The following MAMDC2 variants were observed in gnomAD, a reference collection of about 807,000 sequenced individuals.
The protein encoded by MAMDC2 is MAM domain containing 2, also known as MAM domain-containing protein 2.
A neutral mutation model predicts 89.8 loss-of-function variants in MAMDC2; 57 were observed. The ratio of observed to expected loss-of-function variants is 0.63; its 90% CI spans 0.51 to 0.79. The LOEUF (loss-of-function observed/expected upper bound fraction) is 0.79. MAMDC2 is among the 30% of genes least tolerant of loss of function. The probability of loss-of-function intolerance (pLI) is 0.00; values close to 1 mark genes in which losing one functional copy is unlikely to be tolerated. For synonymous variants in MAMDC2, 313 were observed against 293.4 expected, an observed-to-expected ratio of 1.07 and a Z score of -0.68; for missense variants, 800 against 820.6, an observed-to-expected ratio of 0.97 and a Z score of 0.31.
chr9:70,107,085 A>G (rs1828361767), intron 2 of MAMDC2, among the ~76,000 whole-genome samples: 1 of 152,182 alleles, frequency 6.6e-6, no homozygotes, highest in South Asian at 2.1e-4. Flanking sequence ...ACAGCAGGTT[A>G]AATGACAGCC....
At chr9:70,200,291 C>T (rs1453776483) in intron 11 of MAMDC2, among the ~76,000 whole-genome samples, 1 of 149,684 alleles carries the variant, frequency 6.7e-6, no homozygotes. Flanking sequence ...TTTCCCAGCA[C>T]CATTTATTAA....
intron 6 of MAMDC2, among the ~76,000 whole-genome samples, chr9:70,130,641 A>T (rs1288177530): frequency 6.6e-6 from 1 of 152,184 alleles, no homozygotes; most frequent in Non-Finnish European, 1.5e-5. Flanking sequence ...ATTGGAACAT[A>T]CCTGGACATG....
chr9:70,212,603 C>T (rs544028245), intron 11 of MAMDC2, among the ~76,000 whole-genome samples: 31 of 152,142 alleles, frequency 2.0e-4, no homozygotes, highest in Admixed American at 3.9e-4. Flanking sequence ...CACCCTGCTT[C>T]AGCTCACACT....
rs142267343 is a variant in MAMDC2, at chr9:70,059,326, C to G, written c.148+14629C>G. Among the ~76,000 whole-genome samples the G allele has an allele frequency of 2.6e-5, 4 of 152,066 alleles. No individual in the cohort carries two copies. In the East Asian group the frequency reaches 7.7e-4, roughly 29 times the overall value. On this transcript the variant is annotated intron_variant, in intron 2 of 13. Transcript: ENST00000377182. Reference sequence around the variant, plus strand: ...TCATTTAATTCTTACAACCCAGTGACGAAGGTACCCCTTACAAATGAAGAA... The same window carrying G: ...TCATTTAATTCTTACAACCCAGTGAGGAAGGTACCCCTTACAAATGAAGAA...
At chr9:70,110,954 C>G (rs185415237) in intron 4 of MAMDC2, among the ~76,000 whole-genome samples, 3 of 152,246 alleles carry the variant, frequency 2.0e-5, no homozygotes, top group Admixed American at 2.0e-4. Context: ...ATATTCTGAA[C>G]GACAACAACA....
At chr9:70,078,826 C>T (rs1022412032) in intron 2 of MAMDC2, among the ~76,000 whole-genome samples, 2 of 152,032 alleles carry the variant, frequency 1.3e-5, no homozygotes, top group Admixed American at 1.3e-4. Flanking sequence ...AATGGGTAGC[C>T]AAGCCTATCA....
chr9:70,158,078 C>T (rs916813813), intron 9 of MAMDC2, among the ~76,000 whole-genome samples: 1 of 152,084 alleles, frequency 6.6e-6, no homozygotes, highest in African/African-American at 2.4e-5. Context: ...CCACCTCAGC[C>T]TCCCAAGTAG....
intron 9 of MAMDC2, 78 bp downstream of exon 9, chr9:70,143,897 A>G: frequency 6.6e-7 from 1 of 1,517,090 alleles, no homozygotes; most frequent in East Asian, 2.3e-5. Context: ...AGCTACTGTC[A>G]ACTGGTGATG....
At chr9:70,191,249 GAGA>G (rs775741592) in intron 11 of MAMDC2, among the ~76,000 whole-genome samples, 1 of 152,016 alleles carries the variant, frequency 6.6e-6, no homozygotes, top group Non-Finnish European at 1.5e-5. Context: ...TGCTTTTATG[GAGA>G]AGATTTTCAG....
intron 11 of MAMDC2, among the ~76,000 whole-genome samples, chr9:70,216,709 A>C (rs1338348167): frequency 3.9e-5 from 6 of 152,228 alleles, no homozygotes; most frequent in Non-Finnish European, 8.8e-5. Flanking sequence ...CAAGTGATCA[A>C]AGGTTAATAC....
Position 70,044,640 on chromosome 9 carries a change from A to G in MAMDC2, c.91A>G (p.Ser31Gly). Residue 31 changes from serine (S) to glycine (G), a missense_variant, in exon 2 of 14, where the codon AGC becomes GGC. Ser to Gly is a moderately conservative substitution (Grantham distance 56). Coordinates refer to ENST00000377182, the MANE Select transcript of MAMDC2 (RefSeq NM_153267.5). ...LPAGSCAFEE[S>G]TCGFDSVLAS... is the part of the protein sequence containing the mutation. ...CGCTGGGTCCTGTGCCTTTGAAGAG[A>G]GCACTTGCGGCTTTGACTCCGTGTT... is the stretch of plus-strand genomic sequence containing the variant. The G allele has an allele frequency of 6.4e-7, 1 of 1,551,450 alleles. No individual in the cohort carries two copies. The highest frequency in any genetic ancestry group is 8.7e-7 in the Non-Finnish European group (1 of 1,146,958).
chr9:70,204,372 G>T (rs1480485849), intron 11 of MAMDC2, among the ~76,000 whole-genome samples: 177 of 151,862 alleles, frequency 1.2e-3, no homozygotes, highest in Admixed American at 3.1e-3. Flanking sequence ...CTGCTCGGGG[G>T]TCAGGGGTCA....
intron 2 of MAMDC2, among the ~76,000 whole-genome samples, chr9:70,050,458 C>G (rs940487086): frequency 1.3e-5 from 2 of 152,208 alleles, no homozygotes; most frequent in African/African-American, 4.8e-5. Context: ...AGGCTCTGCT[C>G]TTTCAAGCTG....
rs6151026 is a variant in MAMDC2, at chr9:70,118,297, AAC to A, written c.643+5215_643+5216del. On this transcript the variant is annotated intron_variant, in intron 5 of 13. Transcript: ENST00000377182. ...CATTCATTAGCCAACATCCCCACTCAACACACACACACACACACACACACACA... is the reference window on the plus strand; with the variant it reads ...CATTCATTAGCCAACATCCCCACTCAACACACACACACACACACACACACA... 9.5e-3 allele frequency among the ~76,000 whole-genome samples: 1,331 copies of A among 140,466 alleles called. 26 individuals carry two copies. The highest frequency in any genetic ancestry group is 0.032 in the African/African-American group (1,137 of 35,662). The allele number at this position is 140,466 out of a possible 152,430, so 92.2% of individuals were successfully genotyped here.
intron 2 of MAMDC2, among the ~76,000 whole-genome samples, chr9:70,106,977 A>G (rs1350897813): frequency 6.6e-6 from 1 of 152,170 alleles, no homozygotes; most frequent in Non-Finnish European, 1.5e-5. Context: ...AAGAACATCA[A>G]GCAAAACAAA....
At chr9:70,166,102 G>A (rs1330109575) in intron 9 of MAMDC2, among the ~76,000 whole-genome samples, 1 of 151,944 alleles carries the variant, frequency 6.6e-6, no homozygotes, top group Non-Finnish European at 1.5e-5. Context: ...TTAGCCAGGC[G>A]TGGTGGCACA....
At chr9:70,089,972 T>C (rs1827852540) in intron 2 of MAMDC2, among the ~76,000 whole-genome samples, 1 of 152,138 alleles carries the variant, frequency 6.6e-6, no homozygotes, top group Admixed American at 6.5e-5. Flanking sequence ...AAGTTCTGCA[T>C]TGAAATGATT....
chr9:70,157,935 A>G lies in MAMDC2; in HGVS notation c.1405-10767A>G, dbSNP rs182413692. ...AATATAACCAGAAAATAAATGCACA[A>G]ATATACCCAACCTCATTATAATCAA... On this transcript the variant is annotated intron_variant, in intron 9 of 13. Transcript: ENST00000377182. Among the ~76,000 whole-genome samples the G allele has an allele frequency of 1.1e-3, 166 of 152,256 alleles. 1 individual carries two copies. Among genetic ancestry groups the G allele is most frequent in the East Asian group, 1.7e-3 (9 of 5,188 alleles).
intron 11 of MAMDC2, among the ~76,000 whole-genome samples, chr9:70,180,626 C>CTT (rs566845578): frequency 6.6e-6 from 1 of 152,142 alleles, no homozygotes; most frequent in South Asian, 2.1e-4. Flanking sequence ...TGATGATGAG[C>CTT]TTTTTTTCAT....
Sources: allele counts gnomAD v4.1 joint callset (sites outside exome capture counted in the v4.1 genomes callset), GRCh38; gene constraint gnomAD v4.1.1; transcripts MANE v1.5; gene names NCBI Gene and HGNC (gene_info 2026-07-23, HGNC 2026-07-21).